Variants in ZNF804B observed in about 807,000 individuals in gnomAD.
ZNF804B encodes zinc finger 804B.
A neutral mutation model predicts 101.4 loss-of-function variants in ZNF804B; 80 were observed. That is an observed-to-expected ratio of 0.79 (90% CI 0.66 to 0.95). The LOEUF (loss-of-function observed/expected upper bound fraction) is 0.95, where lower values mean the gene tolerates loss of function less well. Among genes scored for constraint, ZNF804B ranks in the 40% least tolerant of loss-of-function variants. The probability of loss-of-function intolerance (pLI) is 0.00; values close to 1 mark genes in which losing one functional copy is unlikely to be tolerated. For synonymous variants in ZNF804B, 622 were observed against 558.8 expected (o/e 1.11, Z -1.59); for missense variants, 1,673 against 1,561.9 (o/e 1.07, Z -1.20).
intron 1 of ZNF804B, among the ~76,000 whole-genome samples, chr7:88,801,080 T>C (rs1054285849): frequency 6.6e-6 from 1 of 152,010 alleles, no homozygotes; most frequent in Non-Finnish European, 1.5e-5. Context: ...CATAGGTTTT[T>C]GGGGAACAGG....
At chr7:88,795,007 AG>A in intron 1 of ZNF804B, 1 of 1,387,758 alleles carries the variant, frequency 7.2e-7, no homozygotes, top group Non-Finnish European at 9.7e-7. Flanking sequence ...TTATGCTGCC[AG>A]GGTACCTCTT....
intron 2 of ZNF804B, among the ~76,000 whole-genome samples, chr7:89,277,486 T>G (rs1204447088): frequency 4.4e-4 from 2 of 4,558 alleles, no homozygotes; most frequent in African/African-American, 9.1e-4. Context: ...CCCTCCCCCC[T>G]CCCCCCTCCC....
intron 1 of ZNF804B, among the ~76,000 whole-genome samples, chr7:88,971,155 A>G (rs1002255610): frequency 6.6e-6 from 1 of 151,538 alleles, no homozygotes; most frequent in East Asian, 2.0e-4. Context: ...TATTTACTCT[A>G]TAGCTCTTTC....
chr7:89,101,055 T>G lies in ZNF804B; in HGVS notation c.109-117100T>G, dbSNP rs80239680. 4.6e-3 allele frequency among the ~76,000 whole-genome samples: 704 copies of G among 152,160 alleles called. 5 individuals carry two copies. Among genetic ancestry groups the G allele is most frequent in the African/African-American group, 0.016 (669 of 41,564 alleles). ...AAATGATACATTCTATTGTCATCATTTTTCTTCAAACTGAAATTCATTAAT... is the reference window on the plus strand; with the variant it reads ...AAATGATACATTCTATTGTCATCATGTTTCTTCAAACTGAAATTCATTAAT... On this transcript the variant is annotated intron_variant, in intron 1 of 3. Transcript: ENST00000333190.
At chr7:88,981,829 A>T (rs1015099880) in intron 1 of ZNF804B, among the ~76,000 whole-genome samples, 6 of 151,936 alleles carry the variant, frequency 3.9e-5, no homozygotes, top group Non-Finnish European at 1.5e-5. Flanking sequence ...TATACAGATT[A>T]TCTCTCTGGG....
chr7:88,882,954 A>G (rs1394644516), intron 1 of ZNF804B, among the ~76,000 whole-genome samples: 1 of 152,068 alleles, frequency 6.6e-6, no homozygotes, highest in Admixed American at 6.6e-5. Flanking sequence ...CCTCAGTGTC[A>G]TGTAATACCC....
chr7:89,277,169 T>G (rs951169355), intron 2 of ZNF804B, among the ~76,000 whole-genome samples: 3 of 149,026 alleles, frequency 2.0e-5, no homozygotes, highest in African/African-American at 7.4e-5. Flanking sequence ...ATGTTATATA[T>G]AGATACAAAA....
intron 1 of ZNF804B, among the ~76,000 whole-genome samples, chr7:89,035,238 T>G: frequency 6.6e-6 from 1 of 152,090 alleles, no homozygotes; most frequent in East Asian, 1.9e-4. Flanking sequence ...GTTATAATTA[T>G]TGATTCAGAG....
intron 1 of ZNF804B, among the ~76,000 whole-genome samples, chr7:88,892,884 G>A (rs983450755): frequency 6.6e-6 from 1 of 152,080 alleles, no homozygotes. Flanking sequence ...GGTATTGTTA[G>A]TTATAACTCT....
In ZNF804B at chr7:88,793,966, T is replaced by G. The variant is rs1455438886; in HGVS notation, c.108+33882T>G. ...GCTTATGATAAACTTATTAAACCCA[T>G]CTACCTAGTAAAATAATGTATTGAA... On this transcript the variant is annotated intron_variant, in intron 1 of 3. Coordinates refer to ENST00000333190, the MANE Select transcript of ZNF804B (RefSeq NM_181646.5). 5 of 403,446 alleles carry G rather than the reference T, an allele frequency of 1.2e-5. No homozygotes were observed. The East Asian group carries it at 1.8e-4, about 14-fold the overall frequency. The allele number at this position is 403,446 out of a possible 1,614,324, so 25.0% of individuals were successfully genotyped here.
At chr7:89,243,766 T>TTA (rs1213998586) in intron 2 of ZNF804B, among the ~76,000 whole-genome samples, 4 of 151,888 alleles carry the variant, frequency 2.6e-5, no homozygotes, top group African/African-American at 9.7e-5. Flanking sequence ...TGTTTTTTTT[T>TTA]ATTAACTTCA....
chr7:89,225,941 A>G (rs1386798430), intron 2 of ZNF804B, among the ~76,000 whole-genome samples: 1 of 152,184 alleles, frequency 6.6e-6, no homozygotes, highest in Non-Finnish European at 1.5e-5. Flanking sequence ...TAAGCGTTCA[A>G]GAGTTCAAGA....
intron 1 of ZNF804B, among the ~76,000 whole-genome samples, chr7:89,020,875 G>C (rs1365977713): frequency 6.6e-6 from 1 of 151,940 alleles, no homozygotes; most frequent in Non-Finnish European, 1.5e-5. Flanking sequence ...TTGTTTCCCT[G>C]ACTTCATTTA....
At chr7:89,210,193 A>G (rs1225738345) in intron 1 of ZNF804B, among the ~76,000 whole-genome samples, 2 of 151,978 alleles carry the variant, frequency 1.3e-5, no homozygotes, top group Non-Finnish European at 2.9e-5. Context: ...AGAAATCAAC[A>G]TTAGTAATAT....
intron 1 of ZNF804B, among the ~76,000 whole-genome samples, chr7:88,859,201 GTT>G (rs750248179): frequency 6.6e-6 from 1 of 151,992 alleles, no homozygotes; most frequent in Non-Finnish European, 1.5e-5. Flanking sequence ...GCATGTGTGT[GTT>G]TGTGTGTGTG....
intron 1 of ZNF804B, among the ~76,000 whole-genome samples, chr7:88,764,404 G>A (rs541281229): frequency 6.6e-6 from 1 of 152,226 alleles, no homozygotes; most frequent in East Asian, 1.9e-4. Flanking sequence ...AAATTTTGGG[G>A]ATTGTCATCA....
At chr7:89,124,331 G>C (rs547812334) in intron 1 of ZNF804B, among the ~76,000 whole-genome samples, 1 of 152,128 alleles carries the variant, frequency 6.6e-6, no homozygotes, top group African/African-American at 2.4e-5. Context: ...ATCCTACGCA[G>C]AAGAGCTAAT....
At chr7:89,174,870 C>T (rs1033820047) in intron 1 of ZNF804B, among the ~76,000 whole-genome samples, 2 of 151,950 alleles carry the variant, frequency 1.3e-5, no homozygotes, top group Admixed American at 6.6e-5. Context: ...TTTTTACATA[C>T]CTGTATGCCA....
Position 88,997,698 on chromosome 7 carries a change from T to A in ZNF804B, c.109-220457T>A, listed in dbSNP as rs550381754. On this transcript the variant is annotated intron_variant, in intron 1 of 3. Transcript: ENST00000333190. ...AAAAAGTGATAGGGCATATCTGTGG[T>A]ACTAATTTTTGCTTTATTTCTATTG... is the stretch of plus-strand genomic sequence containing the variant. Among the ~76,000 whole-genome samples the A allele has an allele frequency of 2.6e-5, 4 of 152,200 alleles. No individual in the cohort carries two copies. In the South Asian group the frequency reaches 8.3e-4, roughly 32 times the overall value.
Sources: allele counts gnomAD v4.1 joint callset (sites outside exome capture counted in the v4.1 genomes callset), GRCh38; gene constraint gnomAD v4.1.1; transcripts MANE v1.5; gene names NCBI Gene and HGNC (gene_info 2026-07-23, HGNC 2026-07-21).